NCAPH: variants seen among roughly 807,000 people sequenced by gnomAD.
NCAPH encodes the protein condensin complex subunit 2.
Under a neutral mutation model 85.5 loss-of-function variants are expected in NCAPH, and 38 were observed. The ratio of observed to expected loss-of-function variants is 0.44; its 90% CI spans 0.34 to 0.58. The LOEUF (loss-of-function observed/expected upper bound fraction) is 0.58. Among genes scored for constraint, NCAPH ranks in the 20% least tolerant of loss-of-function variants. NCAPH has a pLI of 0.01. For missense variants in NCAPH, 789 were observed against 916.6 expected (o/e 0.86, Z 1.80); for synonymous variants, 301 against 335.1 (o/e 0.90, Z 1.11).
intron 6 of NCAPH, among the ~76,000 whole-genome samples, chr2:96,350,000 A>T (rs1294371469): frequency 1.3e-5 from 2 of 152,240 alleles, no homozygotes; most frequent in African/African-American, 4.8e-5. Context: ...GATTCTAAGC[A>T]GAGGTGTAAA....
intron 7 of NCAPH, among the ~76,000 whole-genome samples, 168 bp downstream of exon 7, chr2:96,352,188 C>T (rs2064453838): frequency 6.6e-6 from 1 of 152,202 alleles, no homozygotes; most frequent in African/African-American, 2.4e-5. Flanking sequence ...TTGCAACCCA[C>T]TAACTTTTGT....
chr2:96,369,384 A>C, intron 16 of NCAPH, 41 bp from the exon 17 acceptor site: 1 of 1,538,752 alleles, frequency 6.5e-7, no homozygotes, highest in Non-Finnish European at 9.0e-7. Context: ...TTTTGTTCTA[A>C]CAGTTGGCAG....
At chr2:96,364,366 C>G (rs1573092570) in intron 12 of NCAPH, 115 bp from the exon 13 acceptor site, 2 of 684,728 alleles carry the variant, frequency 2.9e-6, no homozygotes, top group Non-Finnish European at 2.4e-6. Context: ...GCCCTTCTGA[C>G]TCTAAAATTG....
chr2:96,354,549 C>T (rs755097543), intron 9 of NCAPH, among the ~76,000 whole-genome samples, 161 bp downstream of exon 9: 2 of 151,758 alleles, frequency 1.3e-5, no homozygotes, highest in Non-Finnish European at 2.9e-5. Context: ...GTCTTGAACT[C>T]TTGGGGCTCA....
intron 1 of NCAPH, among the ~76,000 whole-genome samples, chr2:96,340,683 C>T (rs187612441): frequency 6.6e-5 from 10 of 152,234 alleles, no homozygotes; most frequent in Non-Finnish European, 1.0e-4. Flanking sequence ...AGCCACCGTG[C>T]CCGGTAGCCC....
Position 96,376,984 on chromosome 2 carries a change from A to G in NCAPH, c.*3633A>G, listed in dbSNP as rs545628213. 6.6e-6 allele frequency among the ~76,000 whole-genome samples: 1 copy of G among 152,160 alleles called. No individual in the cohort carries two copies. The highest frequency in any genetic ancestry group is 1.9e-4 in the East Asian group (1 of 5,186). On this transcript the variant is annotated 3_prime_UTR_variant, in exon 18 of 18. Transcript: ENST00000240423. The stretch of plus-strand genomic sequence containing the variant: ...ATACCCCATTCTCTGTGATGTGCTT[A>G]TTTCACATTGCATGCCTGTATCAAA...
rs1189784840 is a variant in NCAPH, at chr2:96,375,749, A to G, written c.*2398A>G. ...ACTGGTGTGACAGTTCCATGAAATT[A>G]TGAGAGACCGGGGATCCTTCCAGCT... On this transcript the variant is annotated 3_prime_UTR_variant, in exon 18 of 18. Transcript: ENST00000240423. Among the ~76,000 whole-genome samples, 2 of 152,198 alleles carry G rather than the reference A, an allele frequency of 1.3e-5. No individual in the cohort carries two copies. The highest frequency in any genetic ancestry group is 2.9e-5 in the Non-Finnish European group (2 of 68,032).
chr2:96,373,181 C>T, intron 17 of NCAPH, 111 bp from the exon 18 acceptor site: 1 of 841,424 alleles, frequency 1.2e-6, no homozygotes, highest in South Asian at 1.9e-5. Flanking sequence ...TTCTTATAAT[C>T]ATGGGACAAA....
rs754764165 is a variant in NCAPH, at chr2:96,369,048, A to G, written c.2075A>G (p.Lys692Arg). 4.8e-5 allele frequency: 75 copies of G among 1,555,160 alleles called. 1 individual carries two copies. Among genetic ancestry groups the G allele is most frequent in the Non-Finnish European group, 6.0e-5 (69 of 1,148,900 alleles). ...GAGAAGATGCTTAGCGGGCTCACGA[A>G]GGACCTGCAGAGGAGGTGCGGGCTG... ...ADEKMLSGLT[K>R]DLQRSLPPVM... The change falls in exon 16 of 18, where the codon AAG becomes AGG. Residue 692 changes from lysine to arginine, a missense_variant. Lys to Arg is a conservative substitution (Grantham distance 26). Coordinates refer to ENST00000240423, the MANE Select transcript of NCAPH (RefSeq NM_015341.5).
chr2:96,369,764 C>G (rs978794955), intron 17 of NCAPH, among the ~76,000 whole-genome samples: 3 of 152,146 alleles, frequency 2.0e-5, no homozygotes, highest in African/African-American at 7.2e-5. Flanking sequence ...AGTTCCCCAG[C>G]CTAAGAACAC....
At chr2:96,344,071 C>A in intron 5 of NCAPH, 34 bp from the exon 6 acceptor site, 1 of 1,593,210 alleles carries the variant, frequency 6.3e-7, no homozygotes, top group Non-Finnish European at 8.5e-7. Context: ...TTCAAAGCAG[C>A]CCTTGCAGTA....
At chr2:96,365,785 T>C (rs1247953756) in intron 13 of NCAPH, 91 bp from the exon 14 acceptor site, 2 of 1,316,468 alleles carry the variant, frequency 1.5e-6, no homozygotes, top group East Asian at 2.3e-5. Flanking sequence ...AGATGGTCTC[T>C]TCTTGCTTTG....
At position 96,341,195 on chromosome 2, in the gene NCAPH, C is replaced by T. The variant is rs1021994666; in HGVS notation, c.20-447C>T. 7.2e-5 allele frequency among the ~76,000 whole-genome samples: 11 copies of T among 152,144 alleles called. No individual in the cohort carries two copies. In the South Asian group the frequency reaches 1.7e-3, roughly 23 times the overall value. Reference sequence around the variant, plus strand: ...TTTACATGTTTATGTTGTTTTTCCTCTGTCTGTTTGCCAAGATATGGAGGA... The same window carrying T: ...TTTACATGTTTATGTTGTTTTTCCTTTGTCTGTTTGCCAAGATATGGAGGA... On this transcript the variant is annotated intron_variant, in intron 1 of 17. Coordinates refer to ENST00000240423, the MANE Select transcript of NCAPH (RefSeq NM_015341.5).
chr2:96,349,687 C>G (rs546291043), intron 6 of NCAPH, among the ~76,000 whole-genome samples: 1 of 152,288 alleles, frequency 6.6e-6, no homozygotes, highest in African/African-American at 2.4e-5. Context: ...TCTTGGAGAT[C>G]AGAAAGCAAA....
intron 9 of NCAPH, 108 bp downstream of exon 9, chr2:96,354,496 C>T (rs1573079789): frequency 2.0e-6 from 2 of 1,003,808 alleles, no homozygotes; most frequent in South Asian, 4.7e-5. Flanking sequence ...TTTTTTCCCC[C>T]CCCAAAAATA....
chr2:96,352,095 T>A, intron 7 of NCAPH, 75 bp downstream of exon 7: 1 of 1,375,136 alleles, frequency 7.3e-7, no homozygotes, highest in Non-Finnish European at 1.0e-6. Context: ...TGGGGTACAA[T>A]AAGCCCATCA....
Position 96,336,670 on chromosome 2 carries a change from A to G in NCAPH, c.19+822A>G, listed in dbSNP as rs150321627. The stretch of plus-strand genomic sequence containing the variant: ...GGGAGAGACTCAGGTGAAGGGATCT[A>G]TAATCACTTAGGTGAGAATTTGGCT... On this transcript the variant is annotated intron_variant, in intron 1 of 17. Transcript: ENST00000240423. 2.7e-4 allele frequency among the ~76,000 whole-genome samples: 41 copies of G among 152,360 alleles called. 1 individual carries two copies. The highest frequency in any genetic ancestry group is 9.9e-4 in the African/African-American group (41 of 41,580).
At position 96,373,454 on chromosome 2, in the gene NCAPH, T is replaced by C; in HGVS notation, c.*103T>C. ...AGATGCCATGGGCTTATACCCAGGC[T>C]GTAGCCAACTACCAACGTGCCTGTT... On this transcript the variant is annotated 3_prime_UTR_variant, in exon 18 of 18. Coordinates refer to ENST00000240423, the MANE Select transcript of NCAPH (RefSeq NM_015341.5). The C allele has an allele frequency of 9.4e-7, 1 of 1,066,458 alleles. No individual in the cohort carries two copies. Among genetic ancestry groups the C allele is most frequent in the South Asian group, 1.3e-5 (1 of 74,354 alleles). The allele number at this position is 1,066,458 out of a possible 1,614,324, so 66.1% of individuals were successfully genotyped here.
chr2:96,370,330 G>A (rs2064756316), intron 17 of NCAPH, among the ~76,000 whole-genome samples: 2 of 152,248 alleles, frequency 1.3e-5, no homozygotes, highest in South Asian at 2.1e-4. Context: ...CAGGAGGAGG[G>A]GGTGGGCACT....
Sources: allele counts gnomAD v4.1 joint callset (sites outside exome capture counted in the v4.1 genomes callset), GRCh38; gene constraint gnomAD v4.1.1; transcripts MANE v1.5; gene names NCBI Gene and HGNC (gene_info 2026-07-23, HGNC 2026-07-21).